Variants in TRAPPC9 observed in about 807,000 individuals in gnomAD.
TRAPPC9 encodes trafficking protein particle complex subunit 9, also known as IKK2 binding protein.
Under a neutral mutation model 124.0 loss-of-function variants are expected in TRAPPC9, and 83 were observed. That is an observed-to-expected ratio of 0.67 (90% CI 0.56 to 0.80). The LOEUF is 0.80. TRAPPC9 is among the 30% of genes least tolerant of loss of function. The pLI is 0.00. For missense variants in TRAPPC9, 1,302 were observed against 1,508.3 expected (o/e 0.86, Z 2.27); for synonymous variants, 638 against 617.5 (o/e 1.03, Z -0.49).
chr8:139,755,614 G>T lies in TRAPPC9; in HGVS notation c.3056-23412C>A, dbSNP rs1426030769. Among the ~76,000 whole-genome samples, 120 of 90,020 alleles carry T rather than the reference G, an allele frequency of 1.3e-3. 2 individuals carry two copies. Among genetic ancestry groups the T allele is most frequent in the African/African-American group, 2.7e-3 (52 of 19,324 alleles). 59.1% of individuals were successfully genotyped at this position (90,020 alleles called of 152,430 possible). A position where few individuals can be genotyped will look rare whatever the true frequency, so the allele number is the denominator to read the frequency against. ...GCAGGTCGCAGGAGGAGCCAGGGTT[G>T]GGGTATAAGGACAGCAGGTCGCAGG... is the stretch of plus-strand genomic sequence containing the variant. On this transcript the variant is annotated intron_variant, in intron 21 of 22. Transcript: ENST00000438773.
chr8:139,919,646 C>T (rs909943398), intron 19 of TRAPPC9, among the ~76,000 whole-genome samples: 5 of 152,188 alleles, frequency 3.3e-5, no homozygotes, highest in African/African-American at 1.2e-4. Context: ...ATTATTTTCA[C>T]CCATTGACCT....
intron 1 of TRAPPC9, among the ~76,000 whole-genome samples, chr8:140,454,361 G>A (rs552013750): frequency 4.7e-5 from 7 of 150,506 alleles, no homozygotes; most frequent in South Asian, 4.2e-4. Context: ...ATAATCAGCC[G>A]GGTGTGGTGG....
chr8:140,194,843 C>T (rs2062598591), intron 17 of TRAPPC9, among the ~76,000 whole-genome samples: 2 of 151,780 alleles, frequency 1.3e-5, no homozygotes, highest in Non-Finnish European at 2.9e-5. Context: ...CCTCTGACCA[C>T]TAAAACACAC....
chr8:140,404,804 G>A (rs28645667), intron 6 of TRAPPC9, among the ~76,000 whole-genome samples: 25,313 of 151,614 alleles, frequency 0.17, 2,373 homozygotes, highest in Middle Eastern at 0.36. Context: ...ATGTGTGTGT[G>A]AACATGTGTG....
chr8:139,735,633 A>G (rs1293115488), intron 21 of TRAPPC9, among the ~76,000 whole-genome samples: 1 of 151,382 alleles, frequency 6.6e-6, no homozygotes, highest in Non-Finnish European at 1.5e-5. Context: ...AGTGAAGGGT[A>G]GTTGGCTCAG....
chr8:140,098,181 A>C (rs551431128), intron 17 of TRAPPC9: 2 of 152,334 alleles, frequency 1.3e-5, no homozygotes, highest in African/African-American at 2.4e-5. Context: ...AGCGGGGTAA[A>C]GAGCTCGCCC....
Position 140,024,437 on chromosome 8 carries a change from C to T in TRAPPC9, c.2557-358G>A, listed in dbSNP as rs545166536. 4.0e-5 allele frequency among the ~76,000 whole-genome samples: 6 copies of T among 150,400 alleles called. 1 individual carries two copies. The South Asian group carries it at 1.3e-3, about 32-fold the overall frequency. The stretch of plus-strand genomic sequence containing the variant: ...TTTTGGAGATGGAGTCTTACTCTGT[C>T]GCCCAGGCTGGAGGCAGTGGCACAA... On this transcript the variant is annotated intron_variant, in intron 17 of 22. Coordinates refer to ENST00000438773, the MANE Select transcript of TRAPPC9 (RefSeq NM_001160372.4).
intron 19 of TRAPPC9, among the ~76,000 whole-genome samples, chr8:139,960,677 A>T (rs1362405770): frequency 1.6e-5 from 1 of 64,316 alleles, no homozygotes; most frequent in African/African-American, 3.4e-5. Flanking sequence ...CTCAACGGAG[A>T]AGCCAGAATC....
intron 19 of TRAPPC9, among the ~76,000 whole-genome samples, chr8:139,922,502 C>T (rs1032032337): frequency 2.5e-4 from 38 of 152,212 alleles, no homozygotes; most frequent in Admixed American, 1.6e-3. Flanking sequence ...TTTGTCTTCA[C>T]AAAGCAGATG....
intron 14 of TRAPPC9, among the ~76,000 whole-genome samples, chr8:140,278,524 TG>T (rs1177413342): frequency 2.6e-5 from 4 of 152,206 alleles, no homozygotes; most frequent in African/African-American, 9.6e-5. Flanking sequence ...TGAACCACTG[TG>T]CGACACAGAA....
chr8:139,796,860 A>C (rs927003016), intron 21 of TRAPPC9, among the ~76,000 whole-genome samples: 10 of 152,168 alleles, frequency 6.6e-5, no homozygotes, highest in Non-Finnish European at 1.2e-4. Flanking sequence ...TTACATTCCC[A>C]CCAGCAGTGG....
intron 14 of TRAPPC9, among the ~76,000 whole-genome samples, chr8:140,277,880 A>G (rs1323918210): frequency 1.3e-5 from 2 of 152,184 alleles, no homozygotes; most frequent in Non-Finnish European, 2.9e-5. Context: ...GGTAGGAGTA[A>G]GGTCTATGGC....
rs762765901 is a variant in TRAPPC9 at position 140,405,645 on chromosome 8, C to T, written c.940G>A (p.Ala314Thr). ...TCTTCAGGGCTAAGGCAGTTCTTAGCACGTCCGATCTCAGTACTGGTGTCA... is the reference window on the plus strand; with the variant it reads ...TCTTCAGGGCTAAGGCAGTTCTTAGTACGTCCGATCTCAGTACTGGTGTCA... The part of the protein sequence containing the change: ...NPDTSTEIGR[A>T]KNCLSPEDII... The change falls in exon 6 of 23, where the codon GCT becomes ACT. Residue 314 changes from alanine (A) to threonine (T), a missense_variant. This residue lies in a region of TRAPPC9 where 657 missense variants were observed against 811.2 expected (regional missense o/e 0.81). Transcript: ENST00000438773. 96 of 1,614,094 alleles carry T rather than the reference C, an allele frequency of 5.9e-5. No homozygotes were observed. Among genetic ancestry groups the T allele is most frequent in the Non-Finnish European group, 7.6e-5 (90 of 1,179,982 alleles).
chr8:140,397,520 C>T, intron 7 of TRAPPC9, 100 bp downstream of exon 7: 1 of 1,331,638 alleles, frequency 7.5e-7, no homozygotes, highest in Non-Finnish European at 1.1e-6. Context: ...TTTATCATGG[C>T]ATGCTGAACC....
chr8:140,183,507 G>A (rs540747890), intron 17 of TRAPPC9, among the ~76,000 whole-genome samples: 105 of 152,200 alleles, frequency 6.9e-4, no homozygotes, highest in Non-Finnish European at 1.1e-3. Flanking sequence ...GAATTGAAAG[G>A]GTCTGAGAAA....
intron 7 of TRAPPC9, among the ~76,000 whole-genome samples, chr8:140,378,492 T>G (rs563907470): frequency 1.1e-4 from 16 of 152,282 alleles, no homozygotes; most frequent in African/African-American, 3.1e-4. Context: ...AGACTCGGAC[T>G]GGCTCTCCTT....
At chr8:139,778,246 G>A (rs982567279) in intron 21 of TRAPPC9, among the ~76,000 whole-genome samples, 1 of 152,114 alleles carries the variant, frequency 6.6e-6, no homozygotes, top group East Asian at 1.9e-4. Context: ...GGAATAATTA[G>A]TCCTAGACTA....
chr8:139,981,826 G>T (rs1456322928), intron 19 of TRAPPC9, among the ~76,000 whole-genome samples: 1 of 152,192 alleles, frequency 6.6e-6, no homozygotes, highest in African/African-American at 2.4e-5. Flanking sequence ...GCCATGCCAT[G>T]ATCCACGTGG....
upstream of TRAPPC9, chr8:140,458,362 T>A: frequency 6.3e-7 from 1 of 1,590,156 alleles, no homozygotes; most frequent in African/African-American, 1.4e-5. Context: ...CCACTGTGGA[T>A]CCCTGCGGCA....
Sources: gnomAD v4.1 joint callset for allele counts (sites outside exome capture counted in the v4.1 genomes callset) on GRCh38, gnomAD v4.1.1 for gene constraint, gnomAD v4.1.1 regional missense constraint, MANE v1.5 for transcripts, NCBI Gene and HGNC (gene_info 2026-07-23, HGNC 2026-07-21) for gene names.